Variants in HLCS observed in about 807,000 individuals in gnomAD.
The protein encoded by HLCS is holocarboxylase synthetase.
A neutral mutation model predicts 75.0 loss-of-function variants in HLCS; 53 were observed. The ratio of observed to expected loss-of-function variants is 0.71; its 90% CI spans 0.57 to 0.89. The LOEUF (loss-of-function observed/expected upper bound fraction) is 0.89, where lower values mean the gene tolerates loss of function less well. Among genes scored for constraint, HLCS ranks in the 40% least tolerant of loss-of-function variants. The pLI, the probability that HLCS is intolerant of heterozygous loss-of-function variation, is 0.00. For synonymous variants in HLCS, 431 were observed against 428.6 expected, an observed-to-expected ratio of 1.01 and a Z score of -0.07; for missense variants, 966 against 1,074.0, an observed-to-expected ratio of 0.90 and a Z score of 1.41.
At chr21:36,786,574 A>C (rs896096008) in intron 6 of HLCS, among the ~76,000 whole-genome samples, 27 of 152,348 alleles carry the variant, frequency 1.8e-4, no homozygotes, top group African/African-American at 6.0e-4. Flanking sequence ...CACAAAATTT[A>C]ATTTAAAAAC....
chr21:36,861,743 C>T (rs2063389242), intron 6 of HLCS, among the ~76,000 whole-genome samples: 1 of 152,166 alleles, frequency 6.6e-6, no homozygotes, highest in African/African-American at 2.4e-5. Flanking sequence ...ATTTCTGTAC[C>T]ATCTGTCTTT....
chr21:36,751,421 T>A lies in HLCS; in HGVS notation c.*2825A>T, dbSNP rs1337658227. 6.6e-6 allele frequency: 1 copy of A among 152,406 alleles called. No homozygotes were observed. The highest frequency in any genetic ancestry group is 1.5e-5 in the Non-Finnish European group (1 of 68,076). 9.4% of individuals were successfully genotyped at this position (152,406 alleles called of 1,614,324 possible). ...GCCCACCCTGCCTCCCTTTTCCATC[T>A]GAAGCAGTGCGGGGAGGCTGGCTCC... On this transcript the variant is annotated 3_prime_UTR_variant, in exon 11 of 11. Coordinates refer to ENST00000674895, the MANE Select transcript of HLCS (RefSeq NM_001352514.2).
At chr21:36,909,234 C>T (rs2146389643) in intron 5 of HLCS, among the ~76,000 whole-genome samples, 1 of 152,252 alleles carries the variant, frequency 6.6e-6, no homozygotes, top group East Asian at 1.9e-4. Flanking sequence ...TTTCGGAATA[C>T]TGGAAATGTT....
chr21:36,824,436 G>A (rs2061945552), intron 6 of HLCS, among the ~76,000 whole-genome samples: 1 of 152,144 alleles, frequency 6.6e-6, no homozygotes, highest in South Asian at 2.1e-4. Flanking sequence ...ACTGGGGCCT[G>A]TCAGAGAAGG....
chr21:36,979,074 C>T (rs1219112023), intron 1 of HLCS, among the ~76,000 whole-genome samples: 1 of 151,890 alleles, frequency 6.6e-6, no homozygotes, highest in Non-Finnish European at 1.5e-5. Flanking sequence ...TTGAGACCAT[C>T]CTGGCTAACA....
chr21:36,882,400 G>C (rs928422498), intron 6 of HLCS, among the ~76,000 whole-genome samples: 1 of 151,964 alleles, frequency 6.6e-6, no homozygotes, highest in African/African-American at 2.4e-5. Context: ...CAAAATGGCA[G>C]GCAAGAAAGT....
At chr21:36,797,825 T>C (rs2061073022) in intron 6 of HLCS, among the ~76,000 whole-genome samples, 1 of 152,254 alleles carries the variant, frequency 6.6e-6, no homozygotes, top group Non-Finnish European at 1.5e-5. Flanking sequence ...TGCATTCACA[T>C]GTTGACTTAA....
chr21:36,950,150 C>T (rs1251641693), intron 2 of HLCS, among the ~76,000 whole-genome samples: 1 of 150,796 alleles, frequency 6.6e-6, no homozygotes, highest in Non-Finnish European at 1.5e-5. Context: ...TTGTGACCTT[C>T]CTAAAGTGCA....
At chr21:36,956,408 TA>T (rs1181981286) in intron 2 of HLCS, among the ~76,000 whole-genome samples, 1 of 152,198 alleles carries the variant, frequency 6.6e-6, no homozygotes, top group Non-Finnish European at 1.5e-5. Context: ...CCTAGAGTCC[TA>T]AAATGAAATG....
chr21:36,838,685 C>T (rs1182049278), intron 6 of HLCS, among the ~76,000 whole-genome samples: 1 of 144,762 alleles, frequency 6.9e-6, no homozygotes, highest in Non-Finnish European at 1.5e-5. Context: ...GCCTGGGCGA[C>T]AGAGCGAGAC....
intron 2 of HLCS, among the ~76,000 whole-genome samples, chr21:36,956,705 A>G (rs552234404): frequency 1.4e-4 from 22 of 151,872 alleles, no homozygotes; most frequent in South Asian, 1.0e-3. Flanking sequence ...ACTCTAGCCT[A>G]GGCAACAGAG....
chr21:36,930,302 G>A lies in HLCS; in HGVS notation c.1569C>T (p.Asp523=). Reference sequence around the variant, plus strand: ...GAGTTAAGGCAGGAACTTGTTTCATGTCACAGCTGAGGCCAAGGGTTGTCA... The same window carrying A: ...GAGTTAAGGCAGGAACTTGTTTCATATCACAGCTGAGGCCAAGGGTTGTCA... The part of the protein sequence containing the change: ...EILTTLGLSC[D]MKQVPALTPL... Residue 523 remains aspartate (D), a synonymous_variant, in exon 5 of 11, where the codon GAC becomes GAT. Transcript: ENST00000674895. 1.2e-6 allele frequency: 2 copies of A among 1,614,188 alleles called. No individual in the cohort carries two copies. Among genetic ancestry groups the A allele is most frequent in the South Asian group, 2.2e-5 (2 of 91,084 alleles).
At chr21:36,984,960 A>G (rs1426161482) in intron 1 of HLCS, among the ~76,000 whole-genome samples, 1 of 152,086 alleles carries the variant, frequency 6.6e-6, no homozygotes, top group Non-Finnish European at 1.5e-5. Context: ...CTAAGGGGAC[A>G]ATTACTATAT....
chr21:36,772,638 CA>C (rs34788426), intron 6 of HLCS, among the ~76,000 whole-genome samples: 30,414 of 80,722 alleles, frequency 0.38, 3,615 homozygotes, highest in East Asian at 0.58. Context: ...GACACTGTCT[CA>C]AAAAAAAAAA....
chr21:36,958,256 AG>A (rs1170617741), intron 2 of HLCS, among the ~76,000 whole-genome samples: 1 of 150,906 alleles, frequency 6.6e-6, no homozygotes, highest in African/African-American at 2.4e-5. Flanking sequence ...AAAAAAAAAA[AG>A]AAAGAAAGAA....
At chr21:36,895,870 C>A (rs2064991524) in intron 6 of HLCS, among the ~76,000 whole-genome samples, 1 of 152,008 alleles carries the variant, frequency 6.6e-6, no homozygotes, top group Admixed American at 6.6e-5. Flanking sequence ...TTATTCCCTC[C>A]CTCTATAACC....
chr21:36,932,532 T>C (rs1368500796), intron 4 of HLCS, among the ~76,000 whole-genome samples: 1 of 152,196 alleles, frequency 6.6e-6, no homozygotes, highest in African/African-American at 2.4e-5. Flanking sequence ...TATCTCCACC[T>C]ATCAGCAGCC....
At chr21:36,771,869 G>C (rs1394191126) in intron 6 of HLCS, among the ~76,000 whole-genome samples, 1 of 151,964 alleles carries the variant, frequency 6.6e-6, no homozygotes, top group Non-Finnish European at 1.5e-5. Context: ...TGTGGTGGCG[G>C]GTGCCTGTAA....
At chr21:36,756,193 C>T (rs561953171) in intron 10 of HLCS, among the ~76,000 whole-genome samples, 2 of 152,206 alleles carry the variant, frequency 1.3e-5, no homozygotes, top group South Asian at 2.1e-4. Context: ...AATCCCAGCA[C>T]TTTGGGAGGC....
Sources: allele counts gnomAD v4.1 joint callset (sites outside exome capture counted in the v4.1 genomes callset), GRCh38; gene constraint gnomAD v4.1.1; transcripts MANE v1.5; gene names NCBI Gene and HGNC (gene_info 2026-07-23, HGNC 2026-07-21).